The following RARA variants were observed in gnomAD, a reference collection of about 807,000 sequenced individuals.
The protein encoded by RARA is PML-DDX5-RARA fusion.
Under a neutral mutation model 42.8 loss-of-function variants are expected in RARA, and 5 were observed. The ratio of observed to expected loss-of-function variants is 0.12; its 90% confidence interval spans 0.06 to 0.25. RARA has a LOEUF of 0.25. Among genes scored for constraint, RARA ranks in the 10% least tolerant of loss-of-function variants. The pLI, the probability that RARA is intolerant of heterozygous loss-of-function variation, is 1.00. For missense variants in RARA, 402 were observed against 628.7 expected (o/e 0.64, Z 3.86); for synonymous variants, 256 against 259.5 (o/e 0.99, Z 0.13).
intron 1 of RARA, among the ~76,000 whole-genome samples, chr17:40,325,208 G>A (rs1407282849): frequency 4.0e-5 from 6 of 151,720 alleles, no homozygotes; most frequent in East Asian, 1.9e-4. Context: ...CCGAGATTGC[G>A]CCATTGCACT....
chr17:40,344,106 G>T, intron 2 of RARA, among the ~76,000 whole-genome samples: 1 of 150,896 alleles, frequency 6.6e-6, no homozygotes, highest in Admixed American at 6.6e-5. Flanking sequence ...TGGGTCTCGG[G>T]GGGGCCCTGG....
chr17:40,331,397 G>GTAAGT lies in RARA; in HGVS notation c.178+2_178+6dup. On this transcript the variant is annotated splice_donor_variant, in intron 2 of 8. Transcript: ENST00000254066. LOFTEE classifies it high-confidence loss of function. ...GGATATAGCACACCATCCCCAGCCA[G>GTAAGT]TAAGTCTGGGTGTGGGGGCTGGGGT... The GTAAGT allele has an allele frequency of 1.2e-6, 2 of 1,612,332 alleles. No individual in the cohort carries two copies. Among genetic ancestry groups the GTAAGT allele is most frequent in the South Asian group, 2.2e-5 (2 of 90,828 alleles).
At chr17:40,329,466 G>A (rs1022896332) in intron 1 of RARA, among the ~76,000 whole-genome samples, 8 of 151,962 alleles carry the variant, frequency 5.3e-5, no homozygotes, top group Non-Finnish European at 1.0e-4. Flanking sequence ...GCCACCATGC[G>A]CAGCTAATTT....
chr17:40,324,286 C>T (rs909858894), intron 1 of RARA, among the ~76,000 whole-genome samples: 5 of 152,208 alleles, frequency 3.3e-5, no homozygotes, highest in Admixed American at 3.3e-4. Flanking sequence ...CTCATCTCTT[C>T]CTCTTCCCAT....
intron 1 of RARA, among the ~76,000 whole-genome samples, chr17:40,315,123 CTTATATGTGTATATAT>C (rs2033171037): frequency 3.3e-5 from 1 of 30,716 alleles, no homozygotes; most frequent in African/African-American, 9.6e-5. Context: ...TATATATATG[CTTATATGTGTATATAT>C]ATATATATAT....
At chr17:40,314,349 G>A (rs990888772) in intron 1 of RARA, among the ~76,000 whole-genome samples, 1 of 152,148 alleles carries the variant, frequency 6.6e-6, no homozygotes, top group Non-Finnish European at 1.5e-5. Context: ...TTGAGTGCAT[G>A]TGTATATGAG....
Position 40,352,117 on chromosome 17 carries a change from A to G in RARA, c.630+47A>G, listed in dbSNP as rs750555811. On this transcript the variant is annotated intron_variant, in intron 5 of 8. Transcript: ENST00000254066. The surrounding 1 kb of genome is among the most constrained non-coding windows in gnomAD (Gnocchi z 4.9). ...CAGGGTGGGATTTGCCCAGGGCCAC[A>G]GGGCCAGGATGGGCCCCTCTCAGGC... 1 of 1,503,404 alleles carries G rather than the reference A, an allele frequency of 6.7e-7. No individual in the cohort carries two copies. Among genetic ancestry groups the G allele is most frequent in the Non-Finnish European group, 8.8e-7 (1 of 1,130,448 alleles). 93.1% of individuals were successfully genotyped at this position (1,503,404 alleles called of 1,614,324 possible). A position where few individuals can be genotyped will look rare whatever the true frequency, so the allele number is the denominator to read the frequency against.
intron 3 of RARA, chr17:40,348,742 C>T (rs1598578749): frequency 1.0e-5 from 3 of 297,326 alleles, no homozygotes; most frequent in Non-Finnish European, 1.9e-5. Context: ...GCTCTGCCAC[C>T]GCTGCCCAGG....
chr17:40,341,646 C>T (rs566247179), intron 2 of RARA: 198 of 1,345,396 alleles, frequency 1.5e-4, no homozygotes, highest in South Asian at 3.0e-4. Flanking sequence ...TGAGGCGCCG[C>T]CAGGCGAGTT....
chr17:40,346,260 C>T (rs1280665905), intron 2 of RARA, among the ~76,000 whole-genome samples: 1 of 152,062 alleles, frequency 6.6e-6, no homozygotes, highest in Non-Finnish European at 1.5e-5. Context: ...TCCTGGTATC[C>T]CCCATGACTC....
In RARA at chr17:40,326,753, C is replaced by T. The variant is rs888544455; in HGVS notation, c.-362-4104C>T. Among the ~76,000 whole-genome samples the T allele has an allele frequency of 6.6e-6, 1 of 152,104 alleles. No homozygotes were observed. Among genetic ancestry groups the T allele is most frequent in the African/African-American group, 2.4e-5 (1 of 41,392 alleles). On this transcript the variant is annotated intron_variant, in intron 1 of 8. Transcript: ENST00000254066. This position sits in a 1 kb window ranked among gnomAD's most constrained non-coding sequence, Gnocchi z 5.2. Reference sequence around the variant, plus strand: ...GTTGGATGTGGGTAGTTTGTTTTCCCTCTCTTTGGTACTGGTTTCGATTCT... The same window carrying T: ...GTTGGATGTGGGTAGTTTGTTTTCCTTCTCTTTGGTACTGGTTTCGATTCT...
intron 2 of RARA, chr17:40,341,216 C>A: frequency 2.5e-6 from 2 of 810,852 alleles, no homozygotes; most frequent in South Asian, 3.0e-5. Context: ...TTTTATCTCT[C>A]CAGAGCTGGA....
intron 1 of RARA, among the ~76,000 whole-genome samples, chr17:40,310,061 A>T (rs2033067078): frequency 6.6e-6 from 1 of 152,178 alleles, no homozygotes; most frequent in Admixed American, 6.5e-5. Context: ...CTCAGTCCAG[A>T]TGGCTAGGGA....
In RARA at chr17:40,335,820, A is replaced by G. The variant is rs564807061; in HGVS notation, c.178+4424A>G. 1.1e-4 allele frequency among the ~76,000 whole-genome samples: 16 copies of G among 152,156 alleles called. 1 individual carries two copies. The South Asian group carries it at 3.3e-3, about 32-fold the overall frequency. On this transcript the variant is annotated intron_variant, in intron 2 of 8. Transcript: ENST00000254066. ...GGAATTTGAGACAAGCCTGGACAACATAGTGAGACCCTGCCTCTACCAAAG... is the reference window on the plus strand; with the variant it reads ...GGAATTTGAGACAAGCCTGGACAACGTAGTGAGACCCTGCCTCTACCAAAG...
rs936448507 is a variant in RARA, at chr17:40,355,025, C to T, written c.1013-238C>T. Among the ~76,000 whole-genome samples the T allele has an allele frequency of 6.6e-6, 1 of 152,208 alleles. No homozygotes were observed. Among genetic ancestry groups the T allele is most frequent in the African/African-American group, 2.4e-5 (1 of 41,454 alleles). ...GAGGATGGCACTGCCCATTTGGGGT[C>T]CCATCCCACTAACTGGGCTCAGGGA... On this transcript the variant is annotated intron_variant, in intron 7 of 8. Coordinates refer to ENST00000254066, the MANE Select transcript of RARA (RefSeq NM_000964.4). This position sits in a 1 kb window ranked among gnomAD's most constrained non-coding sequence, Gnocchi z 4.1.
chr17:40,342,247 C>G, intron 2 of RARA: 1 of 1,059,418 alleles, frequency 9.4e-7, no homozygotes, highest in East Asian at 5.1e-5. Flanking sequence ...CACCCCCACC[C>G]GGAATCCTCG....
At chr17:40,348,060 GGT>G in intron 2 of RARA, 1 of 388,268 alleles carries the variant, frequency 2.6e-6, no homozygotes, top group Non-Finnish European at 4.6e-6. Flanking sequence ...CAAATGTGAT[GGT>G]TTATCATTGT....
In RARA at chr17:40,352,929, G is replaced by C. The variant is rs2034500773; in HGVS notation, c.807+422G>C. 6.6e-6 allele frequency among the ~76,000 whole-genome samples: 1 copy of C among 152,142 alleles called. No homozygotes were observed. Among genetic ancestry groups the C allele is most frequent in the Admixed American group, 6.5e-5 (1 of 15,274 alleles). On this transcript the variant is annotated intron_variant, in intron 6 of 8. Coordinates refer to ENST00000254066, the MANE Select transcript of RARA (RefSeq NM_000964.4). The surrounding 1 kb of genome is among the most constrained non-coding windows in gnomAD (Gnocchi z 4.9). The stretch of plus-strand genomic sequence containing the variant: ...CCTTATTTCTGCAAAAAACTAAAAA[G>C]ATTCACCTAGGATCCTCTGGCCAGT...
Position 40,354,958 on chromosome 17 carries a change from CAG to C in RARA, c.1013-304_1013-303del, listed in dbSNP as rs199963142. ...CCATTTCATCTGGTTTCCAGAATAA[CAG>C]GGGGGAGTGGGAGCCTGCCTGGGAA... On this transcript the variant is annotated intron_variant, in intron 7 of 8. Transcript: ENST00000254066. The surrounding 1 kb of genome is among the most constrained non-coding windows in gnomAD (Gnocchi z 4.5). 4.6e-3 allele frequency among the ~76,000 whole-genome samples: 697 copies of C among 152,320 alleles called. 2 individuals carry two copies. The highest frequency in any genetic ancestry group is 0.014 in the African/African-American group (587 of 41,554).
Sources: gnomAD v4.1 joint callset for allele counts (sites outside exome capture counted in the v4.1 genomes callset) on GRCh38, gnomAD v4.1.1 for gene constraint, Gnocchi (gnomAD v3.1) non-coding constraint, MANE v1.5 for transcripts, NCBI Gene and HGNC (gene_info 2026-07-23, HGNC 2026-07-21) for gene names.